ANKFN1: variants seen among roughly 807,000 people sequenced by gnomAD.
The protein encoded by ANKFN1 is ankyrin repeat and fibronectin type-III domain-containing protein 1.
A neutral mutation model predicts 108.7 loss-of-function variants in ANKFN1; 74 were observed. The ratio of observed to expected loss-of-function variants is 0.68; its 90% CI spans 0.56 to 0.83. The LOEUF is 0.83. Ranked by LOEUF, ANKFN1 falls within the 40% of genes least tolerant of loss-of-function variation. ANKFN1 has a pLI of 0.00. For missense variants in ANKFN1, 1,505 were observed against 1,382.3 expected, an observed-to-expected ratio of 1.09 and a Z score of -1.41; for synonymous variants, 547 against 516.2, an observed-to-expected ratio of 1.06 and a Z score of -0.81.
At chr17:56,102,362 G>A (rs552412813) in intron 4 of ANKFN1, among the ~76,000 whole-genome samples, 9 of 152,192 alleles carry the variant, frequency 5.9e-5, no homozygotes, top group African/African-American at 2.2e-4. Context: ...CTACATCATA[G>A]TACTTAAGAT....
chr17:56,301,186 C>G (rs1395102613), intron 3 of ANKFN1, among the ~76,000 whole-genome samples: 1 of 152,188 alleles, frequency 6.6e-6, no homozygotes. Context: ...ATTTGTACCA[C>G]CTCTCAGCCA....
intron 8 of ANKFN1, among the ~76,000 whole-genome samples, chr17:56,394,533 AG>A: frequency 6.6e-6 from 1 of 152,252 alleles, no homozygotes; most frequent in African/African-American, 2.4e-5. Flanking sequence ...AGTAGTGCAT[AG>A]TGACTTGCCA....
chr17:56,394,564 C>A (rs1164389477), intron 8 of ANKFN1, among the ~76,000 whole-genome samples: 1 of 152,158 alleles, frequency 6.6e-6, no homozygotes, highest in East Asian at 1.9e-4. Context: ...TGCCCCCCAG[C>A]TACCGCCATC....
chr17:56,352,311 A>G (rs1010320552), intron 5 of ANKFN1, among the ~76,000 whole-genome samples: 1 of 152,224 alleles, frequency 6.6e-6, no homozygotes, highest in Non-Finnish European at 1.5e-5. Context: ...GTACTCAGCT[A>G]AAGCTGACCT....
chr17:56,292,825 AG>A (rs1420580725), intron 3 of ANKFN1, among the ~76,000 whole-genome samples: 1 of 152,232 alleles, frequency 6.6e-6, no homozygotes, highest in African/African-American at 2.4e-5. Context: ...AGTCAACAAT[AG>A]GAAAAAGTTT....
chr17:56,203,759 A>G (rs1351568769), intron 1 of ANKFN1, among the ~76,000 whole-genome samples: 1 of 152,198 alleles, frequency 6.6e-6, no homozygotes, highest in Non-Finnish European at 1.5e-5. Flanking sequence ...AGCTGGAGAG[A>G]CAGAAATGTT....
intron 20 of ANKFN1, among the ~76,000 whole-genome samples, chr17:56,502,913 T>G (rs1414600591): frequency 6.6e-6 from 1 of 152,228 alleles, no homozygotes; most frequent in African/African-American, 2.4e-5. Flanking sequence ...AGAATGGAAC[T>G]CTTTCGCTTA....
intron 1 of ANKFN1, among the ~76,000 whole-genome samples, chr17:56,155,694 T>G (rs1175689183): frequency 6.6e-6 from 1 of 152,032 alleles, no homozygotes; most frequent in Admixed American, 6.6e-5. Flanking sequence ...CAAAGCAAGG[T>G]GCCTGGGGCA....
At chr17:56,417,606 G>A (rs2048281083) in intron 8 of ANKFN1, among the ~76,000 whole-genome samples, 1 of 152,214 alleles carries the variant, frequency 6.6e-6, no homozygotes, top group African/African-American at 2.4e-5. Context: ...GTGCATGAAT[G>A]TATCTGCCTT....
At chr17:56,394,792 A>C (rs1178458282) in intron 8 of ANKFN1, among the ~76,000 whole-genome samples, 1 of 152,092 alleles carries the variant, frequency 6.6e-6, no homozygotes, top group Non-Finnish European at 1.5e-5. Flanking sequence ...TTTCTAGGTC[A>C]CCTTCTCCCT....
intron 1 of ANKFN1, among the ~76,000 whole-genome samples, chr17:56,171,111 C>G (rs551565620): frequency 2.4e-4 from 37 of 151,862 alleles, no homozygotes; most frequent in Admixed American, 6.5e-4. Flanking sequence ...AAGCAGGGAC[C>G]GGCACTGGCG....
chr17:56,387,358 A>G (rs1213425873), intron 8 of ANKFN1, among the ~76,000 whole-genome samples: 1 of 152,202 alleles, frequency 6.6e-6, no homozygotes, highest in Non-Finnish European at 1.5e-5. Context: ...TGTTGTAACT[A>G]TCACTTATTT....
At chr17:56,054,504 A>AT (rs74415831) in intron 4 of ANKFN1, among the ~76,000 whole-genome samples, 13,072 of 152,208 alleles carry the variant, frequency 0.086, 674 homozygotes, top group East Asian at 0.16. Flanking sequence ...AATTCACATG[A>AT]TTTTTTGGTT....
intron 1 of ANKFN1, among the ~76,000 whole-genome samples, chr17:56,167,417 T>C (rs1910256667): frequency 6.6e-6 from 1 of 150,936 alleles, no homozygotes; most frequent in African/African-American, 2.4e-5. Flanking sequence ...TAATAAGGGA[T>C]AAAATACTTA....
chr17:56,303,287 A>G (rs2044724584), intron 3 of ANKFN1, among the ~76,000 whole-genome samples: 1 of 152,210 alleles, frequency 6.6e-6, no homozygotes, highest in Non-Finnish European at 1.5e-5. Flanking sequence ...CATTCAATAA[A>G]TACCTATTGA....
chr17:56,490,083 T>C (rs2050985602), intron 18 of ANKFN1, among the ~76,000 whole-genome samples: 1 of 152,236 alleles, frequency 6.6e-6, no homozygotes, highest in South Asian at 2.1e-4. Context: ...TAAACCTTAA[T>C]TGAGAAGCTA....
chr17:56,261,000 C>G (rs1312223678), intron 3 of ANKFN1, among the ~76,000 whole-genome samples: 1 of 152,178 alleles, frequency 6.6e-6, no homozygotes, highest in Non-Finnish European at 1.5e-5. Context: ...GGTAATTGAA[C>G]AGAGATCGGA....
intron 8 of ANKFN1, among the ~76,000 whole-genome samples, chr17:56,427,980 C>A (rs947733874): frequency 2.0e-5 from 3 of 152,078 alleles, no homozygotes; most frequent in Non-Finnish European, 2.9e-5. Flanking sequence ...TGCCTGTAAT[C>A]CTAGCACTTT....
chr17:56,336,511 C>A (rs1174505266), intron 4 of ANKFN1, among the ~76,000 whole-genome samples: 1 of 151,886 alleles, frequency 6.6e-6, no homozygotes, highest in Non-Finnish European at 1.5e-5. Context: ...TGTGTAGAAG[C>A]GTTTATAGTA....
Sources: allele counts gnomAD v4.1 joint callset (sites outside exome capture counted in the v4.1 genomes callset), GRCh38; gene constraint gnomAD v4.1.1; transcripts MANE v1.5; gene names NCBI Gene and HGNC (gene_info 2026-07-23, HGNC 2026-07-21).